The following TPH1 variants were observed in gnomAD, a reference collection of about 807,000 sequenced individuals.
TPH1 encodes the protein tryptophan hydroxylase 1.
TPH1 carries 37 observed loss-of-function variants against 49.5 expected under a neutral mutation model. The ratio of observed to expected loss-of-function variants is 0.75; its 90% CI spans 0.58 to 0.98. The LOEUF (loss-of-function observed/expected upper bound fraction) is 0.98, where lower values mean the gene tolerates loss of function less well. Among genes scored for constraint, TPH1 ranks in the 50% least tolerant of loss-of-function variants. The probability of loss-of-function intolerance (pLI) is 0.00; values close to 1 mark genes in which losing one functional copy is unlikely to be tolerated. For missense variants in TPH1, 487 were observed against 523.6 expected, an observed-to-expected ratio of 0.93 and a Z score of 0.68; for synonymous variants, 160 against 182.1, an observed-to-expected ratio of 0.88 and a Z score of 0.98.
At chr11:18,025,061 T>C (rs1388697492) in intron 8 of TPH1, among the ~76,000 whole-genome samples, 1 of 152,244 alleles carries the variant, frequency 6.6e-6, no homozygotes, top group Non-Finnish European at 1.5e-5. Context: ...TCAAACAGTA[T>C]ATAAGCTCCT....
chr11:18,021,222 T>G, intron 10 of TPH1, 57 bp from the exon 11 acceptor site: 1 of 1,529,844 alleles, frequency 6.5e-7, no homozygotes, highest in Non-Finnish European at 9.1e-7. Flanking sequence ...TGATGAAAAC[T>G]AAACAAACAA....
At chr11:18,035,872 T>A in intron 3 of TPH1, 87 bp downstream of exon 3, 1 of 1,155,746 alleles carries the variant, frequency 8.7e-7, no homozygotes, top group Non-Finnish European at 1.3e-6. Flanking sequence ...TGTGTTTTAT[T>A]ATTTTAATGT....
chr11:18,027,634 G>A (rs2134027705), intron 6 of TPH1, among the ~76,000 whole-genome samples: 1 of 152,270 alleles, frequency 6.6e-6, no homozygotes, highest in East Asian at 1.9e-4. Flanking sequence ...AGCACATTCT[G>A]CAGCCAGCCC....
intron 6 of TPH1, 23 bp downstream of exon 6, chr11:18,029,141 AC>A: frequency 1.3e-6 from 2 of 1,506,640 alleles, no homozygotes; most frequent in African/African-American, 1.4e-5. Context: ...CAACTCCCTT[AC>A]AAAAAATTAA....
rs1854333261 is a variant in TPH1, at chr11:18,019,395, CTG to C, written c.*1594_*1595del. On this transcript the variant is annotated 3_prime_UTR_variant, in exon 11 of 11. Coordinates refer to ENST00000682019, the MANE Select transcript of TPH1 (RefSeq NM_004179.3). Reference sequence around the variant, plus strand: ...ATTACTGGGAAAGGAAGCTGATGGACTGTGATATTCAAGTGATTCTGAGTTCC... The same window carrying C: ...ATTACTGGGAAAGGAAGCTGATGGACTGATATTCAAGTGATTCTGAGTTCC... 1 of 213,428 alleles carries C rather than the reference CTG, an allele frequency of 4.7e-6. No individual in the cohort carries two copies. Among genetic ancestry groups the C allele is most frequent in the Admixed American group, 5.5e-5 (1 of 18,098 alleles). 13.2% of individuals were successfully genotyped at this position (213,428 alleles called of 1,614,324 possible).
intron 6 of TPH1, among the ~76,000 whole-genome samples, chr11:18,028,651 A>G (rs573430958): frequency 6.6e-6 from 1 of 152,258 alleles, no homozygotes; most frequent in Admixed American, 6.5e-5. Flanking sequence ...ACTTTCCTCT[A>G]CCTTGGCTGC....
chr11:18,043,776 GGCTT>G, intron 1 of TPH1, among the ~76,000 whole-genome samples: 1 of 152,210 alleles, frequency 6.6e-6, no homozygotes, highest in East Asian at 1.9e-4. Context: ...TGAGGCAGGA[GGCTT>G]GCTTGAGCTC....
At chr11:18,037,701 G>A (rs1360378616) in intron 2 of TPH1, among the ~76,000 whole-genome samples, 1 of 152,188 alleles carries the variant, frequency 6.6e-6, no homozygotes, top group Non-Finnish European at 1.5e-5. Flanking sequence ...ATTTGGTGAG[G>A]AAATGTAATT....
At chr11:18,044,782 A>C (rs913681806) in intron 1 of TPH1, among the ~76,000 whole-genome samples, 34 of 152,130 alleles carry the variant, frequency 2.2e-4, no homozygotes, top group African/African-American at 7.5e-4. Context: ...AAACAAAAAA[A>C]CACAATACTA....
chr11:18,026,728 G>T, intron 6 of TPH1, 103 bp from the exon 7 acceptor site: 1 of 1,383,654 alleles, frequency 7.2e-7, no homozygotes, highest in Non-Finnish European at 1.0e-6. Context: ...TTGATGGAAG[G>T]CATGGAAACT....
At chr11:18,025,096 C>T (rs192859768) in intron 8 of TPH1, among the ~76,000 whole-genome samples, 2 of 152,220 alleles carry the variant, frequency 1.3e-5, no homozygotes, top group African/African-American at 4.8e-5. Context: ...AGGCCTTACT[C>T]ATCTTTGTAT....
rs1277374693 is a variant in TPH1 at position 18,018,642 on chromosome 11, G to T, written c.*2349C>A. 8.5e-6 allele frequency: 1 copy of T among 117,486 alleles called. No homozygotes were observed. The highest frequency in any genetic ancestry group is 1.6e-5 in the Non-Finnish European group (1 of 62,076). 7.3% of individuals were successfully genotyped at this position (117,486 alleles called of 1,614,324 possible). On this transcript the variant is annotated 3_prime_UTR_variant, in exon 11 of 11. Transcript: ENST00000682019. ...GATCGCACCACTGCACTCCAGCCTG[G>T]GCGACAGAGCAAGACTCCGTCTCAA...
chr11:18,032,537 CTTTTTTTT>C (rs34366393), intron 4 of TPH1, among the ~76,000 whole-genome samples: 1 of 86,304 alleles, frequency 1.2e-5, no homozygotes, highest in Non-Finnish European at 2.1e-5. Context: ...TTGTTGAAAT[CTTTTTTTT>C]TTTTTTTTTT....
intron 3 of TPH1, among the ~76,000 whole-genome samples, chr11:18,034,203 A>C (rs959423460): frequency 3.3e-5 from 5 of 152,206 alleles, no homozygotes; most frequent in East Asian, 3.8e-4. Flanking sequence ...GGTATACCCT[A>C]AATATCAACT....
At chr11:18,031,745 C>T (rs1847991436) in intron 4 of TPH1, among the ~76,000 whole-genome samples, 1 of 152,144 alleles carries the variant, frequency 6.6e-6, no homozygotes, top group Admixed American at 6.5e-5. Context: ...GCCTCTGAAC[C>T]TTTGCTCATA....
At position 18,017,768 on chromosome 11, in the gene TPH1, TA is replaced by T. The variant is rs1854312209; in HGVS notation, c.*3222del. ...TGAATTTGGAAGCCAACTTAAAAGC[TA>T]ACAATAATTATTTACATTTTGGTGT... On this transcript the variant is annotated 3_prime_UTR_variant, in exon 11 of 11. Transcript: ENST00000682019. The T allele has an allele frequency of 6.6e-6, 1 of 152,228 alleles. No individual in the cohort carries two copies. The highest frequency in any genetic ancestry group is 1.5e-5 in the Non-Finnish European group (1 of 68,024). 9.4% of individuals were successfully genotyped at this position (152,228 alleles called of 1,614,324 possible).
rs1475897417 is a variant in TPH1, at chr11:18,029,233, AG to A, written c.598del (p.Leu200PhefsTer22). 2 of 1,614,140 alleles carry A rather than the reference AG, an allele frequency of 1.2e-6. No homozygotes were observed. Among genetic ancestry groups the A allele is most frequent in the East Asian group, 2.2e-5 (1 of 44,870 alleles). On this transcript the variant is annotated frameshift_variant, in exon 6 of 11. Coordinates refer to ENST00000682019, the MANE Select transcript of TPH1 (RefSeq NM_004179.3). LOFTEE classifies it high-confidence loss of function. ...CREYLKNLPL[L>X]SKYCGYREDN... The stretch of plus-strand genomic sequence containing the variant: ...CTCCCGATATCCACAATATTTAGAA[AG>A]CAAAGGTAAGTTTTTGAGATACTCT...
chr11:18,026,838 C>T (rs1414538865), intron 6 of TPH1, among the ~76,000 whole-genome samples: 4 of 152,300 alleles, frequency 2.6e-5, no homozygotes, highest in African/African-American at 9.6e-5. Flanking sequence ...TCTCCTTTCA[C>T]ATTTACAGCA....
chr11:18,023,310 G>A (rs1854384427), intron 9 of TPH1: 1 of 206,050 alleles, frequency 4.9e-6, no homozygotes, highest in South Asian at 9.0e-5. Context: ...TACCTTGGAT[G>A]GTGTTTCATA....
Sources: allele counts gnomAD v4.1 joint callset (sites outside exome capture counted in the v4.1 genomes callset), GRCh38; gene constraint gnomAD v4.1.1; transcripts MANE v1.5; gene names NCBI Gene and HGNC (gene_info 2026-07-23, HGNC 2026-07-21).